ATP2C1: variants seen among roughly 807,000 people sequenced by gnomAD.
ATP2C1 encodes the protein calcium-transporting ATPase type 2C member 1.
Under a neutral mutation model 120.5 loss-of-function variants are expected in ATP2C1, and 31 were observed. That is an observed-to-expected ratio of 0.26 (90% CI 0.19 to 0.35). The LOEUF is 0.35. Among genes scored for constraint, ATP2C1 ranks in the 10% least tolerant of loss-of-function variants. The pLI is 1.00. For missense variants in ATP2C1, 731 were observed against 1,107.5 expected, an observed-to-expected ratio of 0.66 and a Z score of 4.83; for synonymous variants, 351 against 358.7, an observed-to-expected ratio of 0.98 and a Z score of 0.24.
At chr3:130,850,804 C>T in exon 1 of ATP2C1, 1 of 1,313,580 alleles carries the variant, frequency 7.6e-7, no homozygotes, top group African/African-American at 1.5e-5. Context: ...GACAAGGACC[C>T]TCTTGCTTTC....
chr3:130,975,943 T>C (rs1272022925), intron 18 of ATP2C1, among the ~76,000 whole-genome samples: 4 of 152,302 alleles, frequency 2.6e-5, no homozygotes, highest in Non-Finnish European at 4.4e-5. Flanking sequence ...TGCTTACTTA[T>C]ATGCTGCTGA....
At chr3:130,890,804 TA>T (rs1425001332), upstream of ATP2C1, among the ~76,000 whole-genome samples, 46 of 152,376 alleles carry the variant, frequency 3.0e-4, no homozygotes, top group African/African-American at 1.0e-3. Context: ...TATAGTTTTC[TA>T]AACTTGACAT....
At chr3:130,987,958 C>T (rs2062103639) in intron 20 of ATP2C1, among the ~76,000 whole-genome samples, 1 of 152,108 alleles carries the variant, frequency 6.6e-6, no homozygotes, top group Admixed American at 6.5e-5. Context: ...CTAGTGTGTC[C>T]TACATTTTCC....
intron 2 of ATP2C1, among the ~76,000 whole-genome samples, chr3:130,926,050 A>G (rs1308180972): frequency 2.6e-5 from 4 of 152,156 alleles, no homozygotes; most frequent in Non-Finnish European, 1.5e-5. Flanking sequence ...CCAGACCACA[A>G]GCCTCCCCCT....
intron 26 of ATP2C1, among the ~76,000 whole-genome samples, chr3:131,008,423 CAA>C (rs747486056): frequency 4.3e-4 from 37 of 86,936 alleles, no homozygotes; most frequent in Non-Finnish European, 4.0e-4. Context: ...AAGACTGTCT[CAA>C]AAAAAAAAAA....
chr3:130,964,106 G>C lies in ATP2C1; in HGVS notation c.1024+11G>C, dbSNP rs760866129. On this transcript the variant is annotated intron_variant, in intron 13 of 27. Coordinates refer to ENST00000510168, the MANE Select transcript of ATP2C1 (RefSeq NM_001378687.1). Reference sequence around the variant, plus strand: ...TTGTTGAAACTCTGGGTAAGTCTGTGTTAAGAGCATTCTTATGCAATGATG... The same window carrying C: ...TTGTTGAAACTCTGGGTAAGTCTGTCTTAAGAGCATTCTTATGCAATGATG... The C allele has an allele frequency of 1.9e-6, 3 of 1,611,596 alleles. No homozygotes were observed. Among genetic ancestry groups the C allele is most frequent in the East Asian group, 4.5e-5 (2 of 44,840 alleles).
intron 10 of ATP2C1, 40 bp downstream of exon 10, chr3:130,955,120 C>A: frequency 2.2e-6 from 3 of 1,340,548 alleles, no homozygotes; most frequent in Non-Finnish European, 3.2e-6. Flanking sequence ...TGTTCCAAAT[C>A]TGAAATTCTT....
At position 130,940,633 on chromosome 3, in the gene ATP2C1, T is replaced by C; in HGVS notation, c.364T>C (p.Tyr122His). Reference protein sequence around the residue: ...IVVTVAFVQEYRSEKSLEELS... With the variant: ...IVVTVAFVQEHRSEKSLEELS... ...CTACTTTTTTTTGTTTGAATAGGAA[T>C]ATCGTTCAGAAAAATCTCTTGAAGA... The change falls in exon 7 of 28, where the codon TAT (tyrosine) becomes CAT (histidine). Residue 122 changes from tyrosine (Y) to histidine (H), a missense_variant. By Grantham distance (83) the Tyr-to-His change is moderately conservative (BLOSUM62 2). Around this residue, in one of 3 missense-constraint regions of ATP2C1, gnomAD observed 571 missense variants for 845.9 expected, o/e 0.67. Coordinates refer to ENST00000510168, the MANE Select transcript of ATP2C1 (RefSeq NM_001378687.1). 1 of 1,606,916 alleles carries C rather than the reference T, an allele frequency of 6.2e-7. No homozygotes were observed. The highest frequency in any genetic ancestry group is 1.1e-5 in the South Asian group (1 of 90,930).
intron 1 of ATP2C1, among the ~76,000 whole-genome samples, chr3:130,870,719 G>T (rs2068402055): frequency 6.6e-6 from 1 of 152,160 alleles, no homozygotes; most frequent in East Asian, 1.9e-4. Flanking sequence ...AGAACCTATT[G>T]CTGGGTAGAT....
chr3:130,934,854 G>A (rs984629737), intron 5 of ATP2C1, 143 bp downstream of exon 5: 21 of 675,082 alleles, frequency 3.1e-5, no homozygotes, highest in African/African-American at 2.2e-4. Context: ...TTTTTGTTGC[G>A]ACAGTTTCTT....
intron 2 of ATP2C1, chr3:130,899,534 C>G (rs1324970163): frequency 6.6e-6 from 1 of 152,120 alleles, no homozygotes. Flanking sequence ...CTTGCTGTCT[C>G]GGGTGACAGA....
chr3:130,973,260 G>C (rs2061408953), intron 17 of ATP2C1, among the ~76,000 whole-genome samples: 1 of 152,114 alleles, frequency 6.6e-6, no homozygotes, highest in African/African-American at 2.4e-5. Flanking sequence ...AGCACAATAT[G>C]TATGTTAAAG....
chr3:130,945,594 G>A (rs746005586), intron 8 of ATP2C1, among the ~76,000 whole-genome samples: 4 of 141,502 alleles, frequency 2.8e-5, no homozygotes, highest in African/African-American at 1.1e-4. Context: ...CAATTCCCAC[G>A]TATGAGTGAG....
intron 1 of ATP2C1, among the ~76,000 whole-genome samples, chr3:130,878,007 A>G (rs1453888335): frequency 2.0e-5 from 3 of 152,160 alleles, no homozygotes; most frequent in African/African-American, 7.2e-5. Context: ...ATGAAGCTGG[A>G]CACCATCATT....
At chr3:130,982,775 A>C (rs988527128) in intron 20 of ATP2C1, among the ~76,000 whole-genome samples, 2 of 152,150 alleles carry the variant, frequency 1.3e-5, no homozygotes, top group Non-Finnish European at 2.9e-5. Context: ...TTGATTAGAA[A>C]ATTTATTCAT....
At chr3:130,983,589 G>A (rs1158543555) in intron 20 of ATP2C1, among the ~76,000 whole-genome samples, 5 of 152,162 alleles carry the variant, frequency 3.3e-5, no homozygotes, top group South Asian at 2.1e-4. Context: ...CTTTTGAGAC[G>A]GAGTCTCGCT....
At chr3:130,898,578 T>C (rs2069849179) in intron 2 of ATP2C1, among the ~76,000 whole-genome samples, 1 of 152,220 alleles carries the variant, frequency 6.6e-6, no homozygotes, top group Non-Finnish European at 1.5e-5. Context: ...ATTATATATA[T>C]GACATTTTGT....
chr3:130,988,285 A>G (rs1176822703), intron 20 of ATP2C1, among the ~76,000 whole-genome samples: 1 of 151,772 alleles, frequency 6.6e-6, no homozygotes, highest in Non-Finnish European at 1.5e-5. Context: ...TCCTTTCCCT[A>G]GTACATCTTG....
At chr3:130,960,950 G>C (rs1372810170) in intron 12 of ATP2C1, among the ~76,000 whole-genome samples, 1 of 152,050 alleles carries the variant, frequency 6.6e-6, no homozygotes, top group Non-Finnish European at 1.5e-5. Flanking sequence ...TCTGTTGTAG[G>C]CATATGAAAT....
Sources: gnomAD v4.1 joint callset for allele counts (sites outside exome capture counted in the v4.1 genomes callset) on GRCh38, gnomAD v4.1.1 for gene constraint, gnomAD v4.1.1 regional missense constraint, MANE v1.5 for transcripts, NCBI Gene and HGNC (gene_info 2026-07-23, HGNC 2026-07-21) for gene names.